The following ROBO2 variants were observed in gnomAD, a reference collection of about 807,000 sequenced individuals.
The protein encoded by ROBO2 is roundabout guidance receptor 2.
Under a neutral mutation model 160.8 loss-of-function variants are expected in ROBO2, and 53 were observed. The ratio of observed to expected loss-of-function variants is 0.33; its 90% CI spans 0.26 to 0.41. The LOEUF (loss-of-function observed/expected upper bound fraction) is 0.41, where lower values mean the gene tolerates loss of function less well. Ranked by LOEUF, ROBO2 falls within the 10% of genes least tolerant of loss-of-function variation. The probability of loss-of-function intolerance (pLI) is 1.00; values close to 1 mark genes in which losing one functional copy is unlikely to be tolerated. For missense variants in ROBO2, 1,577 were observed against 1,722.4 expected, an observed-to-expected ratio of 0.92 and a Z score of 1.49; for synonymous variants, 664 against 611.7, an observed-to-expected ratio of 1.09 and a Z score of -1.26.
chr3:77,632,796 C>T, intron 23 of ROBO2: 1 of 647,508 alleles, frequency 1.5e-6, no homozygotes, highest in Non-Finnish European at 2.4e-6. Context: ...TTGGATGCTC[C>T]ATTACCCAAA....
At chr3:76,226,827 T>C (rs1704317427) in intron 2 of ROBO2, among the ~76,000 whole-genome samples, 1 of 152,292 alleles carries the variant, frequency 6.6e-6, no homozygotes. Flanking sequence ...TCTATAGCAT[T>C]AGGGTCCATT....
At chr3:77,348,949 C>G (rs867386064) in intron 2 of ROBO2, among the ~76,000 whole-genome samples, 1 of 152,044 alleles carries the variant, frequency 6.6e-6, no homozygotes, top group Non-Finnish European at 1.5e-5. Context: ...CTTCTTCTCC[C>G]GAAAAGCTTC....
At position 77,499,672 on chromosome 3, in the gene ROBO2, G is replaced by A. The variant is rs182046005; in HGVS notation, c.806+6290G>A. Among the ~76,000 whole-genome samples, 795 of 131,020 alleles carry A rather than the reference G, an allele frequency of 6.1e-3. 7 individuals are homozygous for A. Among genetic ancestry groups the A allele is most frequent in the African/African-American group, 0.022 (760 of 34,140 alleles). The allele number at this position is 131,020 out of a possible 152,430, so 86.0% of individuals were successfully genotyped here. On this transcript the variant is annotated intron_variant, in intron 5 of 25. Transcript: ENST00000461745. ...TACGCTTTTTTTTTTTTTTTTTGAC[G>A]GAGTCTTACTCTGTCACCCATGCTG...
chr3:77,612,304 A>T (rs1404628316), intron 21 of ROBO2, among the ~76,000 whole-genome samples: 4 of 152,226 alleles, frequency 2.6e-5, no homozygotes, highest in African/African-American at 9.6e-5. Flanking sequence ...ACAGGGCTAC[A>T]CTTCATAAAA....
chr3:76,526,354 T>G (rs968381409), intron 2 of ROBO2, among the ~76,000 whole-genome samples: 5 of 152,112 alleles, frequency 3.3e-5, no homozygotes, highest in Admixed American at 2.6e-4. Flanking sequence ...AAGTTTAGCT[T>G]CATTGACTAG....
chr3:77,257,497 G>A (rs1193040659), intron 2 of ROBO2, among the ~76,000 whole-genome samples: 5 of 152,102 alleles, frequency 3.3e-5, no homozygotes, highest in Non-Finnish European at 7.3e-5. Context: ...GAGCTCGCAT[G>A]GTATTTCAAA....
chr3:76,882,389 C>G (rs551544631), intron 2 of ROBO2, among the ~76,000 whole-genome samples: 3 of 152,050 alleles, frequency 2.0e-5, no homozygotes, highest in African/African-American at 7.2e-5. Context: ...CTCGGTTTTA[C>G]CTACTAAGTT....
At chr3:76,154,955 A>G (rs1516473) in intron 2 of ROBO2, among the ~76,000 whole-genome samples, 131,935 of 152,000 alleles carry the variant, frequency 0.87, 57,786 homozygotes, top group East Asian at 0.98. Flanking sequence ...GAAAAGTCAC[A>G]CTTGATTGAG....
At chr3:77,233,361 C>G (rs1250526616) in intron 2 of ROBO2, among the ~76,000 whole-genome samples, 1 of 152,026 alleles carries the variant, frequency 6.6e-6, no homozygotes, top group Non-Finnish European at 1.5e-5. Flanking sequence ...CTGTGGTTTA[C>G]AGGTAGCACA....
chr3:76,757,784 CCACAGAGTT>C (rs2061067404), intron 2 of ROBO2, among the ~76,000 whole-genome samples: 1 of 151,528 alleles, frequency 6.6e-6, no homozygotes. Context: ...ACCTTCTAAA[CCACAGAGTT>C]CACTCAGAAG....
chr3:77,278,540 C>T (rs1324230406), intron 2 of ROBO2, among the ~76,000 whole-genome samples: 2 of 152,058 alleles, frequency 1.3e-5, no homozygotes, highest in Non-Finnish European at 2.9e-5. Context: ...ATATTAAATG[C>T]TTATTAGAAT....
At chr3:75,952,658 T>C (rs951758418) in intron 2 of ROBO2, among the ~76,000 whole-genome samples, 1 of 151,982 alleles carries the variant, frequency 6.6e-6, no homozygotes, top group Non-Finnish European at 1.5e-5. Context: ...GTCTGTAGTT[T>C]ATATTAGAGT....
At chr3:77,593,979 T>C (rs1017223026) in intron 17 of ROBO2, among the ~76,000 whole-genome samples, 4 of 152,180 alleles carry the variant, frequency 2.6e-5, no homozygotes, top group African/African-American at 4.8e-5. Context: ...ATAGTATTTT[T>C]TTTCCTTCAT....
chr3:76,128,136 C>T (rs1171590639), intron 2 of ROBO2, among the ~76,000 whole-genome samples: 6 of 151,758 alleles, frequency 4.0e-5, no homozygotes, highest in Non-Finnish European at 8.8e-5. Context: ...CCTCGTGATC[C>T]ACCCACCTCG....
chr3:76,978,961 A>G (rs2059953308), intron 2 of ROBO2, among the ~76,000 whole-genome samples: 1 of 151,780 alleles, frequency 6.6e-6, no homozygotes, highest in African/African-American at 2.4e-5. Flanking sequence ...AAAAAAAAGA[A>G]AAACAGGGTC....
chr3:76,867,246 C>A lies in ROBO2; in HGVS notation c.110-230768C>A, dbSNP rs370793301. Among the ~76,000 whole-genome samples, 22 of 152,164 alleles carry A rather than the reference C, an allele frequency of 1.4e-4. 2 individuals carry two copies. The South Asian group carries it at 4.4e-3, about 30-fold the overall frequency. On this transcript the variant is annotated intron_variant, in intron 2 of 26. Transcript: ENST00000487694. ...CTTGTTCAGTGAAAAACTTGTCATTCGGGCTGTCATAAAGCATTCGTTTAT... is the reference window on the plus strand; with the variant it reads ...CTTGTTCAGTGAAAAACTTGTCATTAGGGCTGTCATAAAGCATTCGTTTAT...
At chr3:77,635,116 T>C (rs927227455) in intron 24 of ROBO2, 73 bp downstream of exon 25, 1 of 1,522,756 alleles carries the variant, frequency 6.6e-7, no homozygotes, top group African/African-American at 1.4e-5. Context: ...CTTAGATTAA[T>C]GTAGTCATGG....
chr3:76,156,833 G>A (rs59669458), intron 2 of ROBO2, among the ~76,000 whole-genome samples: 1 of 152,146 alleles, frequency 6.6e-6, no homozygotes, highest in Non-Finnish European at 1.5e-5. Flanking sequence ...TCCTGGCATG[G>A]TGGTGGCACA....
At chr3:77,477,373 C>T in intron 2 of ROBO2, 41 bp from the exon 3 acceptor site, 3 of 1,601,334 alleles carry the variant, frequency 1.9e-6, no homozygotes, top group South Asian at 2.2e-5. Context: ...GCCTAAGTTA[C>T]TGTCGTTGAG....
Sources: gnomAD v4.1 joint callset for allele counts (sites outside exome capture counted in the v4.1 genomes callset) on GRCh38, gnomAD v4.1.1 for gene constraint, MANE v1.5 for transcripts, NCBI Gene and HGNC (gene_info 2026-07-23, HGNC 2026-07-21) for gene names.